Variants in TNNI3K observed in about 807,000 individuals in gnomAD.
The protein encoded by TNNI3K is serine/threonine-protein kinase TNNI3K.
In TNNI3K, 140 loss-of-function variants were observed where a neutral mutation model predicts 114.5. The observed-to-expected ratio is 1.22, with a 90% CI of 1.07 to 1.41. The LOEUF (loss-of-function observed/expected upper bound fraction) is 1.41. Ranked by LOEUF, TNNI3K falls within the 40% of genes most tolerant of loss-of-function variation. The pLI, the probability that TNNI3K is intolerant of heterozygous loss-of-function variation, is 0.00. For synonymous variants in TNNI3K, 347 were observed against 347.5 expected (o/e 1.00, Z 0.02); for missense variants, 1,125 against 1,007.6 (o/e 1.12, Z -1.58).
chr1:74,353,864 T>A, intron 10 of TNNI3K, 116 bp from the exon 11 acceptor site: 1 of 1,379,608 alleles, frequency 7.2e-7, no homozygotes, highest in Non-Finnish European at 9.6e-7. Context: ...AAGAAATCAA[T>A]CCTTACTTCA....
intron 17 of TNNI3K, among the ~76,000 whole-genome samples, chr1:74,415,531 TCTTA>T (rs1171647061): frequency 6.6e-6 from 1 of 152,156 alleles, no homozygotes; most frequent in Non-Finnish European, 1.5e-5. Context: ...GGTAAATCTT[TCTTA>T]CTTTTTGAAA....
intron 23 of TNNI3K, among the ~76,000 whole-genome samples, chr1:74,511,055 T>C (rs562318883): frequency 2.0e-5 from 3 of 152,116 alleles, no homozygotes; most frequent in East Asian, 1.9e-4. Flanking sequence ...GCCCAGCTAA[T>C]GTTTGTATCT....
chr1:74,392,505 C>T (rs1317516711), intron 17 of TNNI3K, among the ~76,000 whole-genome samples: 1 of 152,188 alleles, frequency 6.6e-6, no homozygotes, highest in Non-Finnish European at 1.5e-5. Context: ...GTCCAGTCTA[C>T]TTCTCATCTA....
At chr1:74,478,617 T>C (rs1231459109) in intron 21 of TNNI3K, among the ~76,000 whole-genome samples, 1 of 152,204 alleles carries the variant, frequency 6.6e-6, no homozygotes, top group Non-Finnish European at 1.5e-5. Flanking sequence ...TATCACACCT[T>C]CTTCTTAGAA....
intron 17 of TNNI3K, among the ~76,000 whole-genome samples, chr1:74,388,780 A>G (rs1663617943): frequency 6.6e-6 from 1 of 152,148 alleles, no homozygotes; most frequent in Non-Finnish European, 1.5e-5. Context: ...ATACCATCAA[A>G]CTACAGGTAC....
chr1:74,475,362 C>A, intron 21 of TNNI3K: 1 of 716,046 alleles, frequency 1.4e-6, no homozygotes, highest in South Asian at 1.5e-5. Flanking sequence ...GATTCCATAG[C>A]TTTTGAACTT....
At chr1:74,359,116 C>T (rs763491186) in intron 11 of TNNI3K, among the ~76,000 whole-genome samples, 9 of 151,990 alleles carry the variant, frequency 5.9e-5, no homozygotes, top group Non-Finnish European at 1.2e-4. Flanking sequence ...CTTACCAACA[C>T]ACTGTAAAAT....
intron 9 of TNNI3K, among the ~76,000 whole-genome samples, chr1:74,347,377 C>T (rs534818418): frequency 1.7e-3 from 265 of 152,058 alleles, no homozygotes; most frequent in Non-Finnish European, 2.0e-3. Flanking sequence ...ATATGTGCCA[C>T]GTTTTCTTAA....
chr1:74,477,249 CT>C (rs1668249983), intron 21 of TNNI3K, among the ~76,000 whole-genome samples: 1 of 152,070 alleles, frequency 6.6e-6, no homozygotes, highest in Non-Finnish European at 1.5e-5. Flanking sequence ...TATTCTGACA[CT>C]TTTCTTGGGT....
intron 4 of TNNI3K, among the ~76,000 whole-genome samples, chr1:74,265,290 C>A (rs1309786609): frequency 6.6e-6 from 1 of 151,914 alleles, no homozygotes; most frequent in African/African-American, 2.4e-5. Context: ...CATCAGATCC[C>A]AATACAGAGC....
intron 4 of TNNI3K, among the ~76,000 whole-genome samples, chr1:74,255,177 AC>A (rs1191594560): frequency 6.6e-6 from 1 of 151,370 alleles, no homozygotes; most frequent in Non-Finnish European, 1.5e-5. Context: ...AAATGGTGAA[AC>A]CCCGTCTCTA....
At chr1:74,520,254 A>G (rs2100409957) in intron 23 of TNNI3K, among the ~76,000 whole-genome samples, 1 of 152,266 alleles carries the variant, frequency 6.6e-6, no homozygotes, top group South Asian at 2.1e-4. Context: ...TTTTCAAAAA[A>G]TTGACTCAAC....
chr1:74,496,808 C>A (rs1395508287), intron 23 of TNNI3K, among the ~76,000 whole-genome samples: 1 of 152,094 alleles, frequency 6.6e-6, no homozygotes, highest in Non-Finnish European at 1.5e-5. Flanking sequence ...AAGCATGTGG[C>A]AGTTGCTCCT....
chr1:74,396,867 G>A lies in TNNI3K; in HGVS notation c.1772+26475G>A, dbSNP rs1190012752. Among the ~76,000 whole-genome samples the A allele has an allele frequency of 2.6e-5, 4 of 152,158 alleles. No homozygotes were observed. In the East Asian group the frequency reaches 7.7e-4, roughly 29 times the overall value. Reference sequence around the variant, plus strand: ...GGATTAGATCCAGAGGACCCAGTAGGGCAAGGCCTCTTAGAGGTTAATTTT... The same window carrying A: ...GGATTAGATCCAGAGGACCCAGTAGAGCAAGGCCTCTTAGAGGTTAATTTT... On this transcript the variant is annotated intron_variant, in intron 17 of 24. Coordinates refer to ENST00000326637, the MANE Select transcript of TNNI3K (RefSeq NM_015978.3).
chr1:74,493,132 G>A (rs979299510), intron 23 of TNNI3K, among the ~76,000 whole-genome samples: 4 of 152,122 alleles, frequency 2.6e-5, no homozygotes, highest in Non-Finnish European at 5.9e-5. Context: ...AATTTGAGGA[G>A]GGTCACACTC....
At chr1:74,358,056 C>T (rs1661755533) in intron 11 of TNNI3K, among the ~76,000 whole-genome samples, 1 of 152,152 alleles carries the variant, frequency 6.6e-6, no homozygotes, top group Admixed American at 6.5e-5. Flanking sequence ...GAATTGAACA[C>T]ATAGCTCAAT....
intron 21 of TNNI3K, among the ~76,000 whole-genome samples, chr1:74,488,734 C>T (rs781442865): frequency 6.6e-5 from 10 of 152,138 alleles, no homozygotes; most frequent in Non-Finnish European, 1.0e-4. Context: ...CCTGAGGTTT[C>T]TATCATCATC....
intron 17 of TNNI3K, among the ~76,000 whole-genome samples, chr1:74,407,455 G>A (rs696684): frequency 0.91 from 137,151 of 151,458 alleles, 61,831 homozygotes; most frequent in East Asian, 0.98. Flanking sequence ...TTATACAAAC[G>A]TTTTTTTATT....
chr1:74,459,802 T>G (rs1357882978), intron 20 of TNNI3K, among the ~76,000 whole-genome samples: 2 of 152,290 alleles, frequency 1.3e-5, no homozygotes, highest in African/African-American at 4.8e-5. Flanking sequence ...TGATAAAGTA[T>G]CGACAAACAA....
Sources: gnomAD v4.1 joint callset for allele counts (sites outside exome capture counted in the v4.1 genomes callset) on GRCh38, gnomAD v4.1.1 for gene constraint, MANE v1.5 for transcripts, NCBI Gene and HGNC (gene_info 2026-07-23, HGNC 2026-07-21) for gene names.